The following HAT1 variants were observed in gnomAD, a reference collection of about 807,000 sequenced individuals.
HAT1 encodes the protein histone acetyltransferase 1, also known as histone acetyltransferase type B catalytic subunit.
In HAT1, 20 loss-of-function variants were observed where a neutral mutation model predicts 56.6. The observed-to-expected ratio is 0.35, with a 90% CI of 0.25 to 0.51. HAT1 has a LOEUF of 0.51. Among genes scored for constraint, HAT1 ranks in the 20% least tolerant of loss-of-function variants. HAT1 has a pLI of 0.95. For synonymous variants in HAT1, 146 were observed against 165.5 expected (o/e 0.88, Z 0.91); for missense variants, 408 against 504.3 (o/e 0.81, Z 1.83).
intron 1 of HAT1, chr2:171,923,940 A>G (rs370652447): frequency 6.6e-6 from 1 of 152,156 alleles, no homozygotes; most frequent in African/African-American, 2.4e-5. Context: ...TGTTGCTTAC[A>G]TTCCTCGAAG....
chr2:171,975,847 T>G (rs1687948321), intron 8 of HAT1, among the ~76,000 whole-genome samples: 1 of 151,958 alleles, frequency 6.6e-6, no homozygotes, highest in Non-Finnish European at 1.5e-5. Flanking sequence ...GTTTTCTTTT[T>G]CATTGATTTC....
intron 2 of HAT1, among the ~76,000 whole-genome samples, chr2:171,932,225 A>G (rs959791871): frequency 6.6e-6 from 1 of 152,128 alleles, no homozygotes; most frequent in Admixed American, 6.6e-5. Flanking sequence ...TGTTCATGAC[A>G]GGTAATGGTT....
chr2:171,982,270 G>A (rs1007574122), intron 10 of HAT1, among the ~76,000 whole-genome samples: 2 of 152,170 alleles, frequency 1.3e-5, no homozygotes, highest in Non-Finnish European at 2.9e-5. Context: ...AGGCCAAGGT[G>A]GGTGGATCAC....
intron 3 of HAT1, among the ~76,000 whole-genome samples, chr2:171,947,795 C>T (rs991421929): frequency 3.9e-5 from 6 of 152,158 alleles, no homozygotes; most frequent in African/African-American, 1.4e-4. Context: ...AGGAGAATCA[C>T]TTCAACCTGG....
intron 2 of HAT1, among the ~76,000 whole-genome samples, chr2:171,936,681 G>T (rs1202415353): frequency 6.6e-6 from 1 of 152,122 alleles, no homozygotes; most frequent in Admixed American, 6.5e-5. Context: ...CAGATTGTTT[G>T]TGCTGATGGG....
At chr2:171,962,803 A>G (rs1024170827) in intron 4 of HAT1, among the ~76,000 whole-genome samples, 1 of 152,194 alleles carries the variant, frequency 6.6e-6, no homozygotes, top group Non-Finnish European at 1.5e-5. Flanking sequence ...AGTTTAGAAT[A>G]ATGCTCTGGA....
intron 9 of HAT1, 23 bp from the exon 10 acceptor site, chr2:171,979,224 C>A: frequency 9.1e-7 from 1 of 1,098,028 alleles, no homozygotes; most frequent in Non-Finnish European, 1.4e-6. Context: ...AAAATGTTCG[C>A]ATTTTCTTTT....
At chr2:171,939,005 T>C (rs943935678) in intron 2 of HAT1, among the ~76,000 whole-genome samples, 15 of 152,158 alleles carry the variant, frequency 9.9e-5, no homozygotes, top group African/African-American at 3.4e-4. Context: ...CCTCCCAAAG[T>C]GCTGGGATTA....
rs200795758 is a variant in HAT1, at chr2:171,956,520, A to G, written c.309+3519A>G. Among the ~76,000 whole-genome samples the G allele has an allele frequency of 8.1e-4, 123 of 152,238 alleles. No homozygotes were observed. The East Asian group carries it at 0.023, about 28-fold the overall frequency. On this transcript the variant is annotated intron_variant, in intron 4 of 10. Transcript: ENST00000264108. The stretch of plus-strand genomic sequence containing the variant: ...GAGCCAGACCTTGTCTCCAAAAAAC[A>G]AACAAACAAACAAAAGAACTGCCTC...
At chr2:171,979,495 C>A (rs779669439) in intron 10 of HAT1, 132 bp downstream of exon 10, 5 of 597,962 alleles carry the variant, frequency 8.4e-6, no homozygotes, top group Non-Finnish European at 1.5e-5. Flanking sequence ...TAGAAATATT[C>A]TTCCAGTAAT....
intron 8 of HAT1, among the ~76,000 whole-genome samples, chr2:171,972,987 A>G (rs763382367): frequency 1.7e-4 from 26 of 152,192 alleles, no homozygotes; most frequent in Middle Eastern, 3.4e-3. Context: ...ATGGCATCCA[A>G]TTGGGGTTCT....
chr2:171,981,808 G>A (rs1688138817), intron 10 of HAT1, among the ~76,000 whole-genome samples: 1 of 152,048 alleles, frequency 6.6e-6, no homozygotes, highest in African/African-American at 2.4e-5. Flanking sequence ...TTTATTATTT[G>A]ATGTTATCAA....
At chr2:171,964,282 A>G (rs1687638140) in intron 4 of HAT1, among the ~76,000 whole-genome samples, 1 of 152,226 alleles carries the variant, frequency 6.6e-6, no homozygotes, top group East Asian at 1.9e-4. Context: ...TGTAAACGGT[A>G]TGAAAGAGCT....
intron 9 of HAT1, among the ~76,000 whole-genome samples, chr2:171,976,606 C>G (rs1232749434): frequency 1.3e-5 from 2 of 152,098 alleles, no homozygotes; most frequent in African/African-American, 4.8e-5. Context: ...ATAATAGGAT[C>G]TTATTTTTAC....
intron 2 of HAT1, among the ~76,000 whole-genome samples, chr2:171,941,847 T>G (rs1687027072): frequency 1.3e-5 from 2 of 152,136 alleles, no homozygotes; most frequent in Non-Finnish European, 1.5e-5. Flanking sequence ...AAGGTGCCAT[T>G]TAGTATTCCA....
intron 3 of HAT1, among the ~76,000 whole-genome samples, chr2:171,947,939 A>G (rs145789862): frequency 2.0e-4 from 31 of 152,330 alleles, no homozygotes; most frequent in African/African-American, 7.0e-4. Flanking sequence ...TTAATTTCCT[A>G]TACTTTGATT....
intron 2 of HAT1, among the ~76,000 whole-genome samples, chr2:171,932,533 C>T (rs1686773323): frequency 1.3e-5 from 2 of 151,978 alleles, no homozygotes; most frequent in South Asian, 4.1e-4. Context: ...ATCTAACTTT[C>T]TTGGCAGAAA....
intron 1 of HAT1, among the ~76,000 whole-genome samples, chr2:171,925,236 C>A (rs1239356175): frequency 1.3e-5 from 2 of 152,046 alleles, no homozygotes; most frequent in East Asian, 1.9e-4. Flanking sequence ...CCGTGCCCGG[C>A]TAATTTTTGT....
intron 2 of HAT1, among the ~76,000 whole-genome samples, chr2:171,943,371 A>G (rs1441789775): frequency 4.3e-4 from 52 of 120,430 alleles, no homozygotes; most frequent in African/African-American, 6.4e-5. Flanking sequence ...AGATCATGCA[A>G]TTGCACTCCA....
Sources: allele counts gnomAD v4.1 joint callset (sites outside exome capture counted in the v4.1 genomes callset), GRCh38; gene constraint gnomAD v4.1.1; transcripts MANE v1.5; gene names NCBI Gene and HGNC (gene_info 2026-07-23, HGNC 2026-07-21).